ZNF490: variants seen among roughly 807,000 people sequenced by gnomAD.
ZNF490 encodes zinc finger protein 490.
ZNF490 carries 11 observed loss-of-function variants against 17.7 expected under a neutral mutation model. The ratio of observed to expected loss-of-function variants is 0.62; its 90% CI spans 0.39 to 1.03. The LOEUF (loss-of-function observed/expected upper bound fraction) is 1.03. Among genes scored for constraint, ZNF490 ranks in the 50% least tolerant of loss-of-function variants. The probability of loss-of-function intolerance (pLI) is 0.00; values close to 1 mark genes in which losing one functional copy is unlikely to be tolerated. For missense variants in ZNF490, 542 were observed against 643.4 expected (o/e 0.84, Z 1.71); for synonymous variants, 222 against 216.1 (o/e 1.03, Z -0.24).
intron 2 of ZNF490, among the ~76,000 whole-genome samples, chr19:12,603,857 G>A (rs1238372897): frequency 2.0e-5 from 3 of 151,668 alleles, no homozygotes; most frequent in Non-Finnish European, 4.4e-5. Flanking sequence ...CAGAGTGACA[G>A]GTGGAAGAAA....
chr19:12,609,132 C>T (rs530968346), intron 2 of ZNF490, 26 bp downstream of exon 2: 15 of 1,613,092 alleles, frequency 9.3e-6, no homozygotes, highest in African/African-American at 5.3e-5. Flanking sequence ...AAGGTAGCCA[C>T]GCTGACAGGT....
In ZNF490 at chr19:12,580,675, C is replaced by T; in HGVS notation, c.1400G>A (p.Ser467Asn). Residue 467 changes from serine to asparagine, a missense_variant, in exon 5 of 5, where the codon AGT becomes AAT. Coordinates refer to ENST00000311437, the MANE Select transcript of ZNF490 (RefSeq NM_020714.3). ...YFSHLRRHERSHTGVKPCECK... is the reference protein window; with the variant it reads ...YFSHLRRHERNHTGVKPCECK... ...CTCACATGGTTTCACTCCAGTGTGA[C>T]TTCTTTCGTGCCTTCGAAGGTGACT... 1.2e-6 allele frequency: 2 copies of T among 1,614,096 alleles called. No individual in the cohort carries two copies. The highest frequency in any genetic ancestry group is 1.7e-6 in the Non-Finnish European group (2 of 1,179,992).
Position 12,581,722 on chromosome 19 carries a change from C to T in ZNF490, c.353G>A (p.Ser118Asn). The T allele has an allele frequency of 1.9e-6, 3 of 1,601,184 alleles. No homozygotes were observed. Among genetic ancestry groups the T allele is most frequent in the African/African-American group, 1.3e-5 (1 of 74,204 alleles). The change falls in exon 5 of 5, where the codon AGT (serine) becomes AAT (asparagine). Residue 118 changes from serine to asparagine, a missense_variant and splice_region_variant. Transcript: ENST00000311437. Reference sequence around the variant, plus strand: ...TTCACAGAGTGCTTCAACCATAGGACTTCTGTAAAGAATGAGTACCGTATT... The same window carrying T: ...TTCACAGAGTGCTTCAACCATAGGATTTCTGTAAAGAATGAGTACCGTATT... Reference protein sequence around the residue: ...EHKNQGRNLRSPMVEALCENK... With the variant: ...EHKNQGRNLRNPMVEALCENK...
rs928276524 is a variant in ZNF490, at chr19:12,598,306, A to C, written c.162+10852T>G. On this transcript the variant is annotated intron_variant, in intron 2 of 4. Coordinates refer to ENST00000311437, the MANE Select transcript of ZNF490 (RefSeq NM_020714.3). ...GAAAAAGTGTGGTTTAGACACTTAG[A>C]AATGTCTTTGGGAAAAAAAATTGTT... Among the ~76,000 whole-genome samples, 3 of 152,160 alleles carry C rather than the reference A, an allele frequency of 2.0e-5. No homozygotes were observed. The East Asian group carries it at 5.8e-4, about 29-fold the overall frequency.
In ZNF490 at chr19:12,581,468, A is replaced by G. The variant is rs1164331966; in HGVS notation, c.607T>C (p.Phe203Leu). The G allele has an allele frequency of 6.2e-7, 1 of 1,614,194 alleles. No homozygotes were observed. Among genetic ancestry groups the G allele is most frequent in the Non-Finnish European group, 8.5e-7 (1 of 1,180,046 alleles). Residue 203 changes from phenylalanine (F) to leucine (L), a missense_variant, in exon 5 of 5, where the codon TTC (phenylalanine) becomes CTC (leucine). Coordinates refer to ENST00000311437, the MANE Select transcript of ZNF490 (RefSeq NM_020714.3). ...PHKCKECGKT[F>L]TRSSSIRTHE... ...GTTCGAATACTGGAGCTGCGAGTGAAGGTTTTCCCACATTCTTTGCATTTA... is the reference window on the plus strand; with the variant it reads ...GTTCGAATACTGGAGCTGCGAGTGAGGGTTTTCCCACATTCTTTGCATTTA...
intron 2 of ZNF490, among the ~76,000 whole-genome samples, chr19:12,592,602 T>C (rs1363240973): frequency 6.6e-6 from 1 of 151,970 alleles, no homozygotes; most frequent in African/African-American, 2.4e-5. Context: ...CAGGGGATAT[T>C]TAGGTGAGGG....
chr19:12,580,402 C>T lies in ZNF490; in HGVS notation c.*83G>A, dbSNP rs551143082. The T allele has an allele frequency of 6.5e-5, 98 of 1,506,722 alleles. 1 individual carries two copies. The East Asian group carries it at 2.0e-3, about 30-fold the overall frequency. The allele number at this position is 1,506,722 out of a possible 1,614,324, so 93.3% of individuals were successfully genotyped here. ...AAGGCTTAATCACACCGTTTACATT[C>T]CTTGAATTTCTCTCCAGCGTAAGTA... On this transcript the variant is annotated 3_prime_UTR_variant, in exon 5 of 5. Coordinates refer to ENST00000311437, the MANE Select transcript of ZNF490 (RefSeq NM_020714.3).
Position 12,582,864 on chromosome 19 carries a change from C to A in ZNF490, c.336G>T (p.Gln112His). The change falls in exon 4 of 5, where the codon CAG becomes CAT. Residue 112 changes from glutamine to histidine, a missense_variant. Transcript: ENST00000311437. ...DQDIEDEHKN[Q>H]GRNLRSPMVE... ...ATGCAACTCACCTTAGATTTCTTCCCTGGTTTTTGTGTTCATCTTCAATAT... is the reference window on the plus strand; with the variant it reads ...ATGCAACTCACCTTAGATTTCTTCCATGGTTTTTGTGTTCATCTTCAATAT... 1 of 1,612,802 alleles carries A rather than the reference C, an allele frequency of 6.2e-7. No homozygotes were observed.
chr19:12,601,115 G>A (rs1330001028), intron 2 of ZNF490, among the ~76,000 whole-genome samples: 25 of 151,714 alleles, frequency 1.6e-4, no homozygotes, highest in South Asian at 8.3e-4. Flanking sequence ...AAGGCCAGGT[G>A]CGTTGGCTTA....
chr19:12,599,935 C>T lies in ZNF490; in HGVS notation c.162+9223G>A, dbSNP rs111850332. ...ATTGAATATTAAAATAAAAGCACAA[C>T]GGCTTTCTTTTAGAACACTAACCTG... On this transcript the variant is annotated intron_variant, in intron 2 of 4. Transcript: ENST00000311437. Among the ~76,000 whole-genome samples, 962 of 152,172 alleles carry T rather than the reference C, an allele frequency of 6.3e-3. 7 individuals carry two copies. Among genetic ancestry groups the T allele is most frequent in the African/African-American group, 0.021 (867 of 41,532 alleles).
chr19:12,610,660 G>T lies in ZNF490; in HGVS notation c.21C>A (p.Leu7=). 6.2e-7 allele frequency: 1 copy of T among 1,613,842 alleles called. No individual in the cohort carries two copies. The change falls in exon 1 of 5, where the codon CTC becomes CTA. Residue 7 remains leucine, a synonymous_variant. Transcript: ENST00000311437. MRRNSS[L]SFQMERPLEE... ...CGAGGGGTCGCTCCATCTGGAAACT[G>T]AGACTGGAATTCCTGCGCATCCCTG...
intron 2 of ZNF490, among the ~76,000 whole-genome samples, chr19:12,603,737 G>A (rs2023034078): frequency 6.6e-6 from 1 of 150,430 alleles, no homozygotes; most frequent in Non-Finnish European, 1.5e-5. Flanking sequence ...GCTGCATTGA[G>A]CCAAGATTGT....
chr19:12,581,456 A>C lies in ZNF490; in HGVS notation c.619T>G (p.Ser207Ala), dbSNP rs772540319. 1 of 1,614,196 alleles carries C rather than the reference A, an allele frequency of 6.2e-7. No homozygotes were observed. The highest frequency in any genetic ancestry group is 2.2e-5 in the East Asian group (1 of 44,892). The change falls in exon 5 of 5, where the codon TCC becomes GCC. Residue 207 changes from serine (S) to alanine (A), a missense_variant. Physicochemically the swap from Ser to Ala is moderately conservative, Grantham distance 99. Coordinates refer to ENST00000311437, the MANE Select transcript of ZNF490 (RefSeq NM_020714.3). ...KECGKTFTRS[S>A]SIRTHERIHT... ...ATTCTTTCATGGGTTCGAATACTGG[A>C]GCTGCGAGTGAAGGTTTTCCCACAT...
intron 2 of ZNF490, among the ~76,000 whole-genome samples, chr19:12,592,299 C>T (rs2145151616): frequency 6.6e-6 from 1 of 151,952 alleles, no homozygotes; most frequent in African/African-American, 2.4e-5. Context: ...GTGGCTCTCA[C>T]CTGTAGTACC....
rs2022809087 is a variant in ZNF490 at position 12,586,618 on chromosome 19, G to A, written c.163-3062C>T. On this transcript the variant is annotated intron_variant, in intron 2 of 4. Coordinates refer to ENST00000311437, the MANE Select transcript of ZNF490 (RefSeq NM_020714.3). ...AAGACTTAGACGGTTTGAAGAGAGA[G>A]TGCAGGCATCAGAACCAGACTGAGA... 4.2e-5 allele frequency among the ~76,000 whole-genome samples: 4 copies of A among 94,414 alleles called. 1 individual carries two copies. In the South Asian group the frequency reaches 1.1e-3, roughly 26 times the overall value. The allele number at this position is 94,414 out of a possible 152,430, so 61.9% of individuals were successfully genotyped here.
rs1231184714 is a variant in ZNF490 at position 12,581,360 on chromosome 19, T to C, written c.715A>G (p.Asn239Asp). The C allele has an allele frequency of 6.2e-7, 1 of 1,614,126 alleles. No individual in the cohort carries two copies. The highest frequency in any genetic ancestry group is 8.5e-7 in the Non-Finnish European group (1 of 1,179,986). ...TCTCCAGTATGAATTCTTATATGGTTTCGAAAGGAAAAGAGAAATGCGAAG... is the reference window on the plus strand; with the variant it reads ...TCTCCAGTATGAATTCTTATATGGTCTCGAAAGGAAAAGAGAAATGCGAAG... ...KAFAFLFSFR[N>D]HIRIHTGETP... Residue 239 changes from asparagine (N) to aspartate (D), a missense_variant, in exon 5 of 5, where the codon AAC (asparagine) becomes GAC (aspartate). Coordinates refer to ENST00000311437, the MANE Select transcript of ZNF490 (RefSeq NM_020714.3).
intron 2 of ZNF490, among the ~76,000 whole-genome samples, chr19:12,593,895 G>C (rs1295647554): frequency 6.6e-6 from 1 of 152,182 alleles, no homozygotes; most frequent in Non-Finnish European, 1.5e-5. Flanking sequence ...CTCCTGCAGA[G>C]AGGATATGCT....
At chr19:12,599,611 G>A (rs572313573) in intron 2 of ZNF490, among the ~76,000 whole-genome samples, 1 of 152,222 alleles carries the variant, frequency 6.6e-6, no homozygotes, top group African/African-American at 2.4e-5. Flanking sequence ...CACTTACCAG[G>A]TTTTTCACCA....
intron 2 of ZNF490, among the ~76,000 whole-genome samples, chr19:12,603,157 G>T (rs1395209072): frequency 1.3e-5 from 2 of 152,108 alleles, no homozygotes; most frequent in Non-Finnish European, 2.9e-5. Context: ...GCTCACAGTT[G>T]CTAAAAACCT....
Sources: gnomAD v4.1 joint callset for allele counts (sites outside exome capture counted in the v4.1 genomes callset) on GRCh38, gnomAD v4.1.1 for gene constraint, MANE v1.5 for transcripts, NCBI Gene and HGNC (gene_info 2026-07-23, HGNC 2026-07-21) for gene names.